The following CTTNBP2 variants were observed in gnomAD, a reference collection of about 807,000 sequenced individuals.
CTTNBP2 encodes the protein cortactin-binding protein 2.
In CTTNBP2, 108 loss-of-function variants were observed where a neutral mutation model predicts 156.9. The ratio of observed to expected loss-of-function variants is 0.69; its 90% CI spans 0.59 to 0.81. The LOEUF (loss-of-function observed/expected upper bound fraction) is 0.81, where lower values mean the gene tolerates loss of function less well. CTTNBP2 is among the 30% of genes least tolerant of loss of function. CTTNBP2 has a pLI of 0.00. For missense variants in CTTNBP2, 1,924 were observed against 2,035.4 expected (o/e 0.95, Z 1.05); for synonymous variants, 767 against 751.8 (o/e 1.02, Z -0.33).
At position 117,784,456 on chromosome 7, in the gene CTTNBP2, T is replaced by C; in HGVS notation, c.2069-2A>G. 1 of 1,579,126 alleles carries C rather than the reference T, an allele frequency of 6.3e-7. No homozygotes were observed. Among genetic ancestry groups the C allele is most frequent in the Non-Finnish European group, 8.6e-7 (1 of 1,167,398 alleles). ...AAGGGGTTAGGGAGGGTGACCAGCCTGTAGGTTAAAGTGACCCTCGTTAGA... is the reference window on the plus strand; with the variant it reads ...AAGGGGTTAGGGAGGGTGACCAGCCCGTAGGTTAAAGTGACCCTCGTTAGA... On this transcript the variant is annotated splice_acceptor_variant, in intron 4 of 22. Coordinates refer to ENST00000160373, the MANE Select transcript of CTTNBP2 (RefSeq NM_033427.3). LOFTEE classifies it high-confidence loss of function.
Position 117,711,381 on chromosome 7 carries a change from A to G in CTTNBP2, c.*156T>C, listed in dbSNP as rs1223023426. 2 of 788,620 alleles carry G rather than the reference A, an allele frequency of 2.5e-6. No individual in the cohort carries two copies. The highest frequency in any genetic ancestry group is 3.8e-6 in the Non-Finnish European group (2 of 530,436). The allele number at this position is 788,620 out of a possible 1,614,324, so 48.9% of individuals were successfully genotyped here. The stretch of plus-strand genomic sequence containing the variant: ...AAAAGCAACAAAATGTTGGTTATAA[A>G]TACATTCTTTACAAAAAAAAATTGA... On this transcript the variant is annotated 3_prime_UTR_variant, in exon 23 of 23. Transcript: ENST00000160373.
intron 2 of CTTNBP2, among the ~76,000 whole-genome samples, chr7:117,815,905 T>G (rs1800547941): frequency 6.6e-6 from 1 of 152,122 alleles, no homozygotes; most frequent in Admixed American, 6.5e-5. Flanking sequence ...TCCTTTTAAG[T>G]GGGGGTACTT....
At chr7:117,815,465 T>C (rs1420055999) in intron 2 of CTTNBP2, among the ~76,000 whole-genome samples, 7 of 152,228 alleles carry the variant, frequency 4.6e-5, no homozygotes, top group African/African-American at 1.7e-4. Flanking sequence ...TACTTTTCTA[T>C]ATAAATATAT....
At chr7:117,820,937 T>C (rs961832177) in intron 2 of CTTNBP2, among the ~76,000 whole-genome samples, 3 of 152,212 alleles carry the variant, frequency 2.0e-5, no homozygotes, top group Non-Finnish European at 2.9e-5. Context: ...CATTTTGTCT[T>C]CAGCATAAAA....
intron 2 of CTTNBP2, among the ~76,000 whole-genome samples, chr7:117,851,238 A>G (rs954297450): frequency 6.6e-6 from 1 of 152,062 alleles, no homozygotes; most frequent in African/African-American, 2.4e-5. Context: ...CCCTGTCTCT[A>G]TTTAAGAAAA....
intron 4 of CTTNBP2, among the ~76,000 whole-genome samples, chr7:117,790,609 A>C (rs1375530964): frequency 6.6e-6 from 1 of 152,134 alleles, no homozygotes; most frequent in Non-Finnish European, 1.5e-5. Context: ...AAAAAAAAAA[A>C]AAACCGAAAA....
At chr7:117,809,743 C>G (rs1321389877) in intron 3 of CTTNBP2, among the ~76,000 whole-genome samples, 1 of 152,110 alleles carries the variant, frequency 6.6e-6, no homozygotes, top group East Asian at 1.9e-4. Context: ...GGAAAAGACA[C>G]GCATGAAATG....
chr7:117,731,339 T>C (rs1413027584), intron 16 of CTTNBP2, among the ~76,000 whole-genome samples: 1 of 152,244 alleles, frequency 6.6e-6, no homozygotes, highest in Non-Finnish European at 1.5e-5. Flanking sequence ...CATTTGGATG[T>C]ACAACTCTAA....
chr7:117,763,720 T>C (rs554317498), intron 9 of CTTNBP2, among the ~76,000 whole-genome samples: 92 of 151,796 alleles, frequency 6.1e-4, no homozygotes, highest in Middle Eastern at 6.8e-3. Context: ...CAGGCACGTG[T>C]CACCATGCCT....
intron 22 of CTTNBP2, among the ~76,000 whole-genome samples, chr7:117,717,749 A>AC (rs1794513587): frequency 6.6e-6 from 1 of 152,102 alleles, no homozygotes; most frequent in Non-Finnish European, 1.5e-5. Flanking sequence ...AAAATGAAAA[A>AC]AAAAAAAACA....
Position 117,745,847 on chromosome 7 carries a change from G to A in CTTNBP2, c.3519C>T (p.Asp1173=). The change falls in exon 14 of 23, where the codon GAC becomes GAT. Residue 1173 remains aspartate, a synonymous_variant. Transcript: ENST00000160373. ...DAGFSKEQLL[D]LFISSACLIP... ...TGTTCTTACCGCTACTAATGAACAGGTCTAGTAGCTGTTCCTTGGAAAAAC... is the reference window on the plus strand; with the variant it reads ...TGTTCTTACCGCTACTAATGAACAGATCTAGTAGCTGTTCCTTGGAAAAAC... 2 of 1,610,526 alleles carry A rather than the reference G, an allele frequency of 1.2e-6. No individual in the cohort carries two copies. Among genetic ancestry groups the A allele is most frequent in the South Asian group, 2.2e-5 (2 of 91,018 alleles).
At chr7:117,750,664 T>C (rs998827930) in intron 12 of CTTNBP2, among the ~76,000 whole-genome samples, 16 of 152,166 alleles carry the variant, frequency 1.1e-4, no homozygotes, top group African/African-American at 3.6e-4. Flanking sequence ...TGGGAACCTG[T>C]TACTCTATCA....
At chr7:117,801,108 A>G (rs1307186248) in intron 3 of CTTNBP2, among the ~76,000 whole-genome samples, 2 of 152,192 alleles carry the variant, frequency 1.3e-5, no homozygotes, top group African/African-American at 4.8e-5. Context: ...ACAAGTAAAC[A>G]GGGGAGAAAG....
intron 14 of CTTNBP2, among the ~76,000 whole-genome samples, chr7:117,740,334 C>T (rs994805295): frequency 2.0e-5 from 3 of 151,762 alleles, no homozygotes; most frequent in Non-Finnish European, 4.4e-5. Context: ...TCTTTTTGCT[C>T]ACACCCTCTT....
intron 2 of CTTNBP2, among the ~76,000 whole-genome samples, chr7:117,849,506 T>G (rs1015634386): frequency 6.6e-6 from 1 of 152,148 alleles, no homozygotes; most frequent in Admixed American, 6.5e-5. Context: ...GACTCTGCAC[T>G]GCCTACCAGG....
Position 117,791,771 on chromosome 7 carries a change from C to T in CTTNBP2, c.1425G>A (p.Ser475=), listed in dbSNP as rs147337155. 6.2e-6 allele frequency: 10 copies of T among 1,614,052 alleles called. No homozygotes were observed. The highest frequency in any genetic ancestry group is 2.7e-5 in the African/African-American group (2 of 74,916). Residue 475 remains serine, a synonymous_variant, in exon 4 of 23, where the codon TCG becomes TCA. Coordinates refer to ENST00000160373, the MANE Select transcript of CTTNBP2 (RefSeq NM_033427.3). ...CCACTAGGTTGTCACGACTTGTAGG[C>T]GAGACATCTCTTGACGGAGGACTTT... The part of the protein sequence containing the change: ...TTQSPPSRDV[S]PTSRDNLVAK...
At chr7:117,854,887 C>T (rs1191900533) in intron 2 of CTTNBP2, among the ~76,000 whole-genome samples, 1 of 152,212 alleles carries the variant, frequency 6.6e-6, no homozygotes, top group South Asian at 2.1e-4. Context: ...CGGGTTCAGG[C>T]GATTCTCCTG....
chr7:117,829,344 T>C (rs1017087700), intron 2 of CTTNBP2, among the ~76,000 whole-genome samples: 3 of 152,230 alleles, frequency 2.0e-5, no homozygotes, highest in African/African-American at 7.2e-5. Context: ...AAAGTTAGGA[T>C]GAGACTAAGG....
intron 4 of CTTNBP2, among the ~76,000 whole-genome samples, chr7:117,786,791 T>C (rs1798725672): frequency 6.6e-6 from 1 of 152,228 alleles, no homozygotes; most frequent in South Asian, 2.1e-4. Context: ...ATTTTTCAAC[T>C]GCCTTATATG....
Sources: allele counts gnomAD v4.1 joint callset (sites outside exome capture counted in the v4.1 genomes callset), GRCh38; gene constraint gnomAD v4.1.1; transcripts MANE v1.5; gene names NCBI Gene and HGNC (gene_info 2026-07-23, HGNC 2026-07-21).